The following PARD3B variants were observed in gnomAD, a reference collection of about 807,000 sequenced individuals.
PARD3B encodes the protein partitioning defective 3 homolog B.
PARD3B carries 103 observed loss-of-function variants against 130.2 expected under a neutral mutation model. The observed-to-expected ratio is 0.79, with a 90% CI of 0.67 to 0.93. The LOEUF (loss-of-function observed/expected upper bound fraction) is 0.93, where lower values mean the gene tolerates loss of function less well. Among genes scored for constraint, PARD3B ranks in the 40% least tolerant of loss-of-function variants. PARD3B has a pLI of 0.00. For missense variants in PARD3B, 1,609 were observed against 1,499.2 expected, an observed-to-expected ratio of 1.07 and a Z score of -1.21; for synonymous variants, 583 against 553.2, an observed-to-expected ratio of 1.05 and a Z score of -0.76.
rs1470974673 is a variant in PARD3B at position 205,473,692 on chromosome 2, A to ATATATATATATG, written c.3045-26193_3045-26192insGTATATATATAT. Among the ~76,000 whole-genome samples the ATATATATATATG allele has an allele frequency of 5.1e-5, 7 of 137,840 alleles. No individual in the cohort carries two copies. Among genetic ancestry groups the ATATATATATATG allele is most frequent in the African/African-American group, 2.1e-4 (7 of 33,700 alleles). 90.4% of individuals were successfully genotyped at this position (137,840 alleles called of 152,430 possible). A position where few individuals can be genotyped will look rare whatever the true frequency, so the allele number is the denominator to read the frequency against. On this transcript the variant is annotated intron_variant, in intron 20 of 22. Transcript: ENST00000406610. This position sits in a 1 kb window ranked among gnomAD's most constrained non-coding sequence, Gnocchi z 4.9. ...TGTGTGTGTGTGTGTATGTATATAT[A>ATATATATATATG]TATATATATATATATATACACACAC... is the stretch of plus-strand genomic sequence containing the variant.
rs2055486666 is a variant in PARD3B, at chr2:205,617,932, G to A, written c.*2119G>A. ...AGCCAGAACATTCCTTCTGGATTAA[G>A]CCTAGGCCACTTGAGGGGCAGCCAG... On this transcript the variant is annotated 3_prime_UTR_variant, in exon 23 of 23. Coordinates refer to ENST00000406610, the MANE Select transcript of PARD3B (RefSeq NM_001302769.2). The A allele has an allele frequency of 6.6e-6, 1 of 152,280 alleles. No individual in the cohort carries two copies. The highest frequency in any genetic ancestry group is 6.5e-5 in the Admixed American group (1 of 15,288). 9.4% of individuals were successfully genotyped at this position (152,280 alleles called of 1,614,324 possible). A position where few individuals can be genotyped will look rare whatever the true frequency, so the allele number is the denominator to read the frequency against.
intron 2 of PARD3B, among the ~76,000 whole-genome samples, chr2:204,692,621 GA>G (rs2037407848): frequency 1.3e-5 from 2 of 151,998 alleles, no homozygotes; most frequent in African/African-American, 4.8e-5. Context: ...AACAAATCAG[GA>G]TATGATGTGT....
At chr2:204,886,464 C>T (rs138840742) in intron 2 of PARD3B, among the ~76,000 whole-genome samples, 42 of 152,266 alleles carry the variant, frequency 2.8e-4, no homozygotes, top group African/African-American at 9.6e-4. Context: ...TGTTGCCTGC[C>T]AGCGCATTGG....
At chr2:204,607,086 A>G (rs570431949) in intron 1 of PARD3B, among the ~76,000 whole-genome samples, 41 of 152,286 alleles carry the variant, frequency 2.7e-4, no homozygotes, top group Admixed American at 2.6e-3. Context: ...AATCCTTGGC[A>G]TAGTCACTAG....
chr2:205,266,439 T>C (rs1221376583), intron 16 of PARD3B, among the ~76,000 whole-genome samples: 1 of 152,150 alleles, frequency 6.6e-6, no homozygotes, highest in East Asian at 1.9e-4. Context: ...AAAATACAAT[T>C]ATTGTAGTCT....
At chr2:204,935,711 C>G (rs142279021) in intron 2 of PARD3B, among the ~76,000 whole-genome samples, 1 of 152,226 alleles carries the variant, frequency 6.6e-6, no homozygotes, top group African/African-American at 2.4e-5. Context: ...AAATAAGCTA[C>G]TTCCCCAGTC....
At chr2:204,647,148 A>G (rs774859402) in intron 1 of PARD3B, among the ~76,000 whole-genome samples, 7 of 151,872 alleles carry the variant, frequency 4.6e-5, no homozygotes, top group Non-Finnish European at 8.9e-5. Flanking sequence ...TGCTATTTCA[A>G]TGGGTGTTCA....
At chr2:205,380,087 T>G (rs1391541931) in intron 18 of PARD3B, among the ~76,000 whole-genome samples, 4 of 135,446 alleles carry the variant, frequency 3.0e-5, no homozygotes, top group Non-Finnish European at 6.1e-5. Context: ...AAAAAATATG[T>G]ATATATATGT....
At position 204,689,514 on chromosome 2, in the gene PARD3B, C is replaced by A. The variant is rs1400768993; in HGVS notation, c.222+3232C>A. Among the ~76,000 whole-genome samples the A allele has an allele frequency of 6.6e-6, 1 of 152,066 alleles. No homozygotes were observed. The highest frequency in any genetic ancestry group is 1.9e-4 in the East Asian group (1 of 5,180). ...GTCTATCAGTCTGATGATTCGAGTT[C>A]TTTGGGATAAATATCTAAGAATTGT... On this transcript the variant is annotated intron_variant, in intron 2 of 22. Coordinates refer to ENST00000406610, the MANE Select transcript of PARD3B (RefSeq NM_001302769.2). The surrounding 1 kb of genome is among the most constrained non-coding windows in gnomAD (Gnocchi z 5.2).
rs146519867 is a variant in PARD3B at position 205,162,709 on chromosome 2, A to G, written c.1620+3802A>G. Among the ~76,000 whole-genome samples the G allele has an allele frequency of 2.7e-3, 406 of 152,356 alleles. 3 individuals are homozygous for G. The Middle Eastern group carries it at 0.041, about 15-fold the overall frequency. On this transcript the variant is annotated intron_variant, in intron 11 of 22. Coordinates refer to ENST00000406610, the MANE Select transcript of PARD3B (RefSeq NM_001302769.2). ...TATGTGGTAGTGCTGTTGCTGTTCA[A>G]TAAAAAGAAGTATCAGCTCTGTTGC...
At chr2:204,959,606 GTGTT>G (rs1342713770) in intron 2 of PARD3B, among the ~76,000 whole-genome samples, 1 of 152,214 alleles carries the variant, frequency 6.6e-6, no homozygotes, top group Non-Finnish European at 1.5e-5. Flanking sequence ...CAGTGTAAAA[GTGTT>G]TGTTTGTTGT....
At chr2:204,717,687 G>A (rs2038793424) in intron 2 of PARD3B, among the ~76,000 whole-genome samples, 1 of 152,180 alleles carries the variant, frequency 6.6e-6, no homozygotes, top group East Asian at 1.9e-4. Flanking sequence ...AAAGGCAGGT[G>A]GCTGGGTAGT....
intron 18 of PARD3B, among the ~76,000 whole-genome samples, chr2:205,313,304 C>T (rs1861508): frequency 0.56 from 84,946 of 152,004 alleles, 27,571 homozygotes; most frequent in South Asian, 0.75. Context: ...ACACAGAGTT[C>T]GCTTAATATC....
intron 18 of PARD3B, among the ~76,000 whole-genome samples, chr2:205,348,693 T>C (rs1266117453): frequency 6.6e-6 from 1 of 152,228 alleles, no homozygotes; most frequent in African/African-American, 2.4e-5. Flanking sequence ...TAGAGTAGGT[T>C]GGGAATTTTA....
At chr2:205,548,871 A>T (rs1285008382) in intron 21 of PARD3B, among the ~76,000 whole-genome samples, 1 of 152,162 alleles carries the variant, frequency 6.6e-6, no homozygotes, top group South Asian at 2.1e-4. Context: ...CAAAACACAC[A>T]TCTGATAATG....
intron 2 of PARD3B, among the ~76,000 whole-genome samples, chr2:204,925,276 A>G (rs1324124013): frequency 6.6e-6 from 1 of 152,074 alleles, no homozygotes; most frequent in Non-Finnish European, 1.5e-5. Context: ...GAGGAATTTT[A>G]TCTTTCCTAT....
rs549664358 is a variant in PARD3B at position 204,982,206 on chromosome 2, G to T, written c.394+16883G>T. Reference sequence around the variant, plus strand: ...ATTAGGACACAAGTAGGCCAGGAAGGAGTGACATTATTAGGTAGAGAACCT... The same window carrying T: ...ATTAGGACACAAGTAGGCCAGGAAGTAGTGACATTATTAGGTAGAGAACCT... On this transcript the variant is annotated intron_variant, in intron 3 of 22. Coordinates refer to ENST00000406610, the MANE Select transcript of PARD3B (RefSeq NM_001302769.2). Among the ~76,000 whole-genome samples the T allele has an allele frequency of 3.3e-5, 5 of 152,242 alleles. No individual in the cohort carries two copies. The East Asian group carries it at 9.7e-4, about 29-fold the overall frequency.
intron 21 of PARD3B, among the ~76,000 whole-genome samples, chr2:205,506,045 A>G (rs1338547457): frequency 6.6e-6 from 1 of 152,226 alleles, no homozygotes; most frequent in African/African-American, 2.4e-5. Context: ...CATTAAAAAC[A>G]TGGTGCTGGC....
intron 3 of PARD3B, among the ~76,000 whole-genome samples, chr2:205,000,737 T>A (rs1694759324): frequency 6.6e-6 from 1 of 151,992 alleles, no homozygotes; most frequent in Admixed American, 6.6e-5. Context: ...ATGGGAGCAA[T>A]TTTTTTTAGA....
Sources: gnomAD v4.1 joint callset for allele counts (sites outside exome capture counted in the v4.1 genomes callset) on GRCh38, gnomAD v4.1.1 for gene constraint, Gnocchi (gnomAD v3.1) non-coding constraint, MANE v1.5 for transcripts, NCBI Gene and HGNC (gene_info 2026-07-23, HGNC 2026-07-21) for gene names.